Variants in RYR3 observed in about 807,000 individuals in gnomAD.
RYR3 encodes the protein ryanodine receptor 3.
Under a neutral mutation model 584.3 loss-of-function variants are expected in RYR3, and 207 were observed. The observed-to-expected ratio is 0.35, with a 90% CI of 0.32 to 0.40. RYR3 has a LOEUF of 0.40. RYR3 is among the 10% of genes least tolerant of loss of function. The pLI, the probability that RYR3 is intolerant of heterozygous loss-of-function variation, is 1.00. For missense variants in RYR3, 5,616 were observed against 6,089.2 expected (o/e 0.92, Z 2.59); for synonymous variants, 2,416 against 2,248.5 (o/e 1.07, Z -2.11).
At chr15:33,841,156 G>A (rs564512457) in intron 90 of RYR3, among the ~76,000 whole-genome samples, 1 of 152,224 alleles carries the variant, frequency 6.6e-6, no homozygotes, top group East Asian at 1.9e-4. Context: ...GGTCGAGGCT[G>A]CAGTGAGCCA....
chr15:33,358,614 A>C (rs1255227310), intron 1 of RYR3, among the ~76,000 whole-genome samples: 2 of 150,946 alleles, frequency 1.3e-5, no homozygotes, highest in East Asian at 4.0e-4. Flanking sequence ...TTTGATTTAA[A>C]TGCCTTGTCA....
At chr15:33,529,554 A>C (rs1423737344) in intron 3 of RYR3, among the ~76,000 whole-genome samples, 2 of 152,156 alleles carry the variant, frequency 1.3e-5, no homozygotes, top group Non-Finnish European at 2.9e-5. Flanking sequence ...GTCCTTGAAG[A>C]AAAATGCTAG....
At chr15:33,816,810 A>G in intron 74 of RYR3, 52 bp from the exon 75 acceptor site, 1 of 1,248,034 alleles carries the variant, frequency 8.0e-7, no homozygotes, top group Non-Finnish European at 1.2e-6. Context: ...CCAAACTAAA[A>G]GAACAAGTTC....
intron 60 of RYR3, among the ~76,000 whole-genome samples, chr15:33,759,064 G>A (rs544536271): frequency 7.7e-4 from 118 of 152,278 alleles, no homozygotes; most frequent in African/African-American, 2.8e-3. Context: ...CTGACTGTTA[G>A]AAGGAAAACT....
chr15:33,537,378 GT>G (rs2055419151), intron 5 of RYR3, among the ~76,000 whole-genome samples: 1 of 151,972 alleles, frequency 6.6e-6, no homozygotes, highest in South Asian at 2.1e-4. Context: ...TAGTTTGTTT[GT>G]TTGTTTTTTG....
chr15:33,437,287 A>G (rs974114658), intron 1 of RYR3, among the ~76,000 whole-genome samples: 1 of 152,236 alleles, frequency 6.6e-6, no homozygotes, highest in South Asian at 2.1e-4. Context: ...CAGCAGTGTC[A>G]TCAAGGACCT....
intron 36 of RYR3, among the ~76,000 whole-genome samples, chr15:33,664,614 T>TATATATATATATACAC (rs1491296584): frequency 5.0e-5 from 6 of 120,530 alleles, no homozygotes; most frequent in East Asian, 4.7e-4. Context: ...TATATATATA[T>TATATATATATATACAC]ACGTATGTAT....
intron 38 of RYR3, among the ~76,000 whole-genome samples, chr15:33,679,316 G>C (rs2064417881): frequency 6.6e-6 from 1 of 152,142 alleles, no homozygotes; most frequent in African/African-American, 2.4e-5. Context: ...AATGTTTAGT[G>C]ATGTGCAGTG....
chr15:33,649,838 G>A (rs1234110072), intron 31 of RYR3, among the ~76,000 whole-genome samples: 1 of 152,214 alleles, frequency 6.6e-6, no homozygotes, highest in Non-Finnish European at 1.5e-5. Flanking sequence ...GTGCTCCAGA[G>A]GTGACTGAAG....
intron 81 of RYR3, among the ~76,000 whole-genome samples, chr15:33,824,112 A>G (rs1482311719): frequency 3.3e-5 from 5 of 152,188 alleles, no homozygotes; most frequent in Non-Finnish European, 7.4e-5. Context: ...AAAATAGTAC[A>G]TATGAACTCA....
chr15:33,486,468 C>T (rs2050434388), intron 2 of RYR3, among the ~76,000 whole-genome samples: 1 of 152,146 alleles, frequency 6.6e-6, no homozygotes, highest in African/African-American at 2.4e-5. Flanking sequence ...GTAAGAGGGC[C>T]TCCATCTCAA....
intron 14 of RYR3, among the ~76,000 whole-genome samples, chr15:33,583,330 G>A (rs925001736): frequency 6.6e-6 from 1 of 152,210 alleles, no homozygotes; most frequent in Non-Finnish European, 1.5e-5. Flanking sequence ...TGTTCACTGG[G>A]ATGCCTTCCT....
Position 33,721,966 on chromosome 15 carries a change from C to G in RYR3, c.6620-749C>G, listed in dbSNP as rs139941297. Among the ~76,000 whole-genome samples the G allele has an allele frequency of 3.9e-3, 598 of 152,268 alleles. 6 individuals carry two copies. Among genetic ancestry groups the G allele is most frequent in the African/African-American group, 0.013 (553 of 41,556 alleles). ...AATACAATTCTCTAACCTCTGCCTT[C>G]CCACAGAACAAGTTTAGGAATAACC... On this transcript the variant is annotated intron_variant, in intron 43 of 103. Coordinates refer to ENST00000634891, the MANE Select transcript of RYR3 (RefSeq NM_001036.6).
intron 1 of RYR3, among the ~76,000 whole-genome samples, chr15:33,431,928 T>A (rs2045191093): frequency 6.6e-6 from 1 of 152,202 alleles, no homozygotes; most frequent in Admixed American, 6.5e-5. Context: ...GAGACGTTTT[T>A]GCATCATCAA....
chr15:33,652,690 C>CTG, intron 31 of RYR3, 28 bp from the exon 32 acceptor site: 1 of 1,608,830 alleles, frequency 6.2e-7, no homozygotes, highest in Non-Finnish European at 8.5e-7. Context: ...AGTCCAGATT[C>CTG]TGTGCCTTTT....
intron 3 of RYR3, among the ~76,000 whole-genome samples, chr15:33,520,016 TAGAG>T (rs1314462986): frequency 5.3e-5 from 8 of 151,882 alleles, no homozygotes; most frequent in African/African-American, 1.7e-4. Context: ...ACAAAAAAGA[TAGAG>T]AGATTTAAAA....
At chr15:33,347,193 A>G (rs1972565669) in intron 1 of RYR3, among the ~76,000 whole-genome samples, 1 of 152,160 alleles carries the variant, frequency 6.6e-6, no homozygotes, top group Non-Finnish European at 1.5e-5. Context: ...TTCAGAGGGA[A>G]GTCACCATGC....
chr15:33,445,145 A>C (rs2046524521), intron 1 of RYR3, among the ~76,000 whole-genome samples: 1 of 152,218 alleles, frequency 6.6e-6, no homozygotes, highest in Admixed American at 6.5e-5. Flanking sequence ...CCAAGAATAG[A>C]AGCAGGAAGG....
In RYR3 at chr15:33,580,060, G is replaced by T. The variant is rs768886787; in HGVS notation, c.1353G>T (p.Gln451His). 20 of 1,613,592 alleles carry T rather than the reference G, an allele frequency of 1.2e-5. No individual in the cohort carries two copies. The highest frequency in any genetic ancestry group is 1.7e-5 in the Admixed American group (1 of 59,982). Residue 451 changes from glutamine to histidine, a missense_variant, in exon 13 of 104, where the codon CAG becomes CAT. By Grantham distance (24) the Gln-to-His change is conservative (BLOSUM62 0). Around this residue, in one of 9 missense-constraint regions of RYR3, gnomAD observed 1,284 missense variants for 1,344.6 expected, o/e 0.95. Transcript: ENST00000634891. ...QTLQDLIAYFQPPEEEMRHED... is the reference protein window; with the variant it reads ...QTLQDLIAYFHPPEEEMRHED... ...TACAGGACTTGATCGCCTACTTCCAGCCCCCAGAGGAGGAGATGCGACATG... is the reference window on the plus strand; with the variant it reads ...TACAGGACTTGATCGCCTACTTCCATCCCCCAGAGGAGGAGATGCGACATG...
Sources: allele counts gnomAD v4.1 joint callset (sites outside exome capture counted in the v4.1 genomes callset), GRCh38; gene constraint gnomAD v4.1.1; regional missense constraint gnomAD v4.1.1; transcripts MANE v1.5; gene names NCBI Gene and HGNC (gene_info 2026-07-23, HGNC 2026-07-21).